SPOCK3: variants seen among roughly 807,000 people sequenced by gnomAD.
SPOCK3 encodes the protein SPARC (osteonectin), cwcv and kazal like domains proteoglycan 3.
A neutral mutation model predicts 56.6 loss-of-function variants in SPOCK3; 30 were observed. The observed-to-expected ratio is 0.53, with a 90% confidence interval of 0.40 to 0.72. The LOEUF (loss-of-function observed/expected upper bound fraction) is 0.72. Ranked by LOEUF, SPOCK3 falls within the 30% of genes least tolerant of loss-of-function variation. SPOCK3 has a pLI of 0.00. For synonymous variants in SPOCK3, 196 were observed against 183.3 expected (o/e 1.07, Z -0.56); for missense variants, 527 against 530.0 (o/e 0.99, Z 0.06).
intron 2 of SPOCK3, among the ~76,000 whole-genome samples, chr4:167,223,546 G>A (rs1414816615): frequency 2.0e-5 from 3 of 151,850 alleles, no homozygotes; most frequent in African/African-American, 7.3e-5. Context: ...TTCTACTACT[G>A]GAGAGAGCCC....
At chr4:167,090,751 C>T (rs755857187) in intron 2 of SPOCK3, among the ~76,000 whole-genome samples, 3 of 152,124 alleles carry the variant, frequency 2.0e-5, no homozygotes, top group Non-Finnish European at 4.4e-5. Context: ...GATCCACCCA[C>T]CTCGTCCTCC....
intron 2 of SPOCK3, among the ~76,000 whole-genome samples, chr4:167,226,378 G>A (rs1023427981): frequency 6.6e-6 from 1 of 152,236 alleles, no homozygotes; most frequent in African/African-American, 2.4e-5. Context: ...TCATGGCTAA[G>A]AGGATACTGG....
chr4:166,767,291 T>C (rs1160501393), intron 7 of SPOCK3, among the ~76,000 whole-genome samples: 1 of 152,056 alleles, frequency 6.6e-6, no homozygotes, highest in Non-Finnish European at 1.5e-5. Flanking sequence ...AGGGTGTCAA[T>C]TTTAGCTCTT....
At chr4:167,063,872 G>A (rs897912093) in intron 2 of SPOCK3, among the ~76,000 whole-genome samples, 1 of 151,802 alleles carries the variant, frequency 6.6e-6, no homozygotes, top group African/African-American at 2.4e-5. Context: ...TTTTATGGCT[G>A]AATAGTATTT....
chr4:167,138,192 A>G (rs999850323), intron 2 of SPOCK3, among the ~76,000 whole-genome samples: 1 of 151,818 alleles, frequency 6.6e-6, no homozygotes, highest in Non-Finnish European at 1.5e-5. Flanking sequence ...ATCTACAGAC[A>G]TAACAGGATC....
At chr4:166,980,614 C>T (rs369718888) in intron 4 of SPOCK3, among the ~76,000 whole-genome samples, 13 of 152,202 alleles carry the variant, frequency 8.5e-5, no homozygotes, top group Admixed American at 7.2e-4. Context: ...CATGAGCAAG[C>T]GTGGGGTCCG....
intron 6 of SPOCK3, among the ~76,000 whole-genome samples, chr4:166,819,632 C>A (rs1744717243): frequency 6.6e-6 from 1 of 151,588 alleles, no homozygotes; most frequent in East Asian, 1.9e-4. Flanking sequence ...ACAAAAGTAT[C>A]AAAATGAATG....
At position 167,205,060 on chromosome 4, in the gene SPOCK3, C is replaced by T. The variant is rs7671010; in HGVS notation, c.189+28925G>A. On this transcript the variant is annotated intron_variant, in intron 2 of 10. Coordinates refer to ENST00000357545, the MANE Select transcript of SPOCK3 (RefSeq NM_001040159.2). ...ATGTTGCCCAAGCTGGCCTTGAACTCCTGGCTTCCCACCACCGTGCCCCAA... is the reference window on the plus strand; with the variant it reads ...ATGTTGCCCAAGCTGGCCTTGAACTTCTGGCTTCCCACCACCGTGCCCCAA... 8.2e-3 allele frequency among the ~76,000 whole-genome samples: 1,121 copies of T among 136,538 alleles called. 14 individuals are homozygous for T. The highest frequency in any genetic ancestry group is 0.025 in the African/African-American group (894 of 35,870). 89.6% of individuals were successfully genotyped at this position (136,538 alleles called of 152,430 possible). A position where few individuals can be genotyped will look rare whatever the true frequency, so the allele number is the denominator to read the frequency against.
In SPOCK3 at chr4:167,120,102, G is replaced by A. The variant is rs1031462850; in HGVS notation, c.190-57565C>T. 5.3e-5 allele frequency among the ~76,000 whole-genome samples: 8 copies of A among 152,130 alleles called. No homozygotes were observed. In the East Asian group the frequency reaches 1.5e-3, roughly 29 times the overall value. On this transcript the variant is annotated intron_variant, in intron 2 of 10. Coordinates refer to ENST00000357545, the MANE Select transcript of SPOCK3 (RefSeq NM_001040159.2). ...ACATACATATCTTTGTATATTAAAT[G>A]CAAGTTTCAAAATTACACCTAATTT...
chr4:167,150,253 C>T (rs1333755064), intron 2 of SPOCK3, among the ~76,000 whole-genome samples: 1 of 151,750 alleles, frequency 6.6e-6, no homozygotes, highest in Non-Finnish European at 1.5e-5. Flanking sequence ...TTATTAGAAG[C>T]ATGGTTAGTC....
chr4:166,864,409 A>C (rs1215202020), intron 6 of SPOCK3, among the ~76,000 whole-genome samples: 4 of 152,208 alleles, frequency 2.6e-5, no homozygotes, highest in Non-Finnish European at 5.9e-5. Context: ...AAAAGCTAGC[A>C]GAAGACAAGA....
At chr4:167,209,249 C>T (rs375925861) in intron 2 of SPOCK3, among the ~76,000 whole-genome samples, 13 of 152,034 alleles carry the variant, frequency 8.6e-5, no homozygotes, top group African/African-American at 3.1e-4. Context: ...TTCTCCTGAA[C>T]TCCCAATATA....
At chr4:167,165,055 AAC>A (rs1261060594) in intron 2 of SPOCK3, among the ~76,000 whole-genome samples, 4 of 152,164 alleles carry the variant, frequency 2.6e-5, no homozygotes, top group African/African-American at 9.7e-5. Context: ...CACTCCCACC[AAC>A]AGTGTAAAAG....
intron 2 of SPOCK3, among the ~76,000 whole-genome samples, chr4:167,205,299 A>G (rs1220280184): frequency 4.7e-5 from 2 of 42,458 alleles, no homozygotes; most frequent in East Asian, 1.1e-3. Context: ...TTATATCTAT[A>G]ATATATATTA....
At chr4:167,149,975 A>G (rs1387485737) in intron 2 of SPOCK3, among the ~76,000 whole-genome samples, 3 of 152,050 alleles carry the variant, frequency 2.0e-5, no homozygotes, top group Admixed American at 2.0e-4. Context: ...AATTCATTTA[A>G]ATGGCTGTCA....
chr4:167,199,754 C>T (rs1412176164), intron 2 of SPOCK3, among the ~76,000 whole-genome samples: 1 of 148,374 alleles, frequency 6.7e-6, no homozygotes, highest in Non-Finnish European at 1.5e-5. Flanking sequence ...AGTGCCAATA[C>T]AAGTATCTAT....
chr4:166,750,195 T>C (rs980998486), intron 8 of SPOCK3, among the ~76,000 whole-genome samples: 4 of 152,194 alleles, frequency 2.6e-5, no homozygotes, highest in South Asian at 4.1e-4. Context: ...GCCAGCTCTG[T>C]AAGTCTAGCC....
intron 2 of SPOCK3, among the ~76,000 whole-genome samples, chr4:167,209,675 A>T (rs1444407261): frequency 6.6e-6 from 1 of 152,190 alleles, no homozygotes; most frequent in East Asian, 1.9e-4. Context: ...TACATAGAAG[A>T]TCAATAATTG....
chr4:167,045,440 T>C (rs1753626102), intron 3 of SPOCK3, among the ~76,000 whole-genome samples: 1 of 152,150 alleles, frequency 6.6e-6, no homozygotes. Flanking sequence ...TACTGTTTTC[T>C]ATTTGTTAGC....
Sources: gnomAD v4.1 joint callset for allele counts (sites outside exome capture counted in the v4.1 genomes callset) on GRCh38, gnomAD v4.1.1 for gene constraint, MANE v1.5 for transcripts, NCBI Gene and HGNC (gene_info 2026-07-23, HGNC 2026-07-21) for gene names.